Variants in CHD9 observed in about 807,000 individuals in gnomAD.
CHD9 encodes ATP-dependent chromatin remodeler CHD9.
CHD9 carries 77 observed loss-of-function variants against 316.1 expected under a neutral mutation model. The ratio of observed to expected loss-of-function variants is 0.24; its 90% CI spans 0.20 to 0.29. The LOEUF is 0.29. Among genes scored for constraint, CHD9 ranks in the 10% least tolerant of loss-of-function variants. CHD9 has a pLI of 1.00. For synonymous variants in CHD9, 1,129 were observed against 1,158.3 expected (o/e 0.97, Z 0.51); for missense variants, 2,763 against 3,438.1 (o/e 0.80, Z 4.91).
intron 37 of CHD9, 137 bp from the exon 38 acceptor site, chr16:53,321,389 A>G (rs1443961682): frequency 1.4e-6 from 2 of 1,390,086 alleles, no homozygotes; most frequent in African/African-American, 2.9e-5. Context: ...CCTTTTTAAT[A>G]TAATCATAAA....
intron 22 of CHD9, among the ~76,000 whole-genome samples, 200 bp downstream of exon 22, chr16:53,268,326 C>G (rs551103795): frequency 2.0e-5 from 3 of 152,258 alleles, no homozygotes; most frequent in South Asian, 4.1e-4. Flanking sequence ...AAATACGTAT[C>G]TGTTTGGAAT....
intron 1 of CHD9, among the ~76,000 whole-genome samples, chr16:53,133,185 G>A (rs997506273): frequency 1.3e-5 from 2 of 152,142 alleles, no homozygotes; most frequent in African/African-American, 4.8e-5. Flanking sequence ...TTTCAGGTAA[G>A]TATGTATAGT....
In CHD9 at chr16:53,198,439, G is replaced by C. The variant is rs182950032; in HGVS notation, c.1453-11043G>C. 3.1e-3 allele frequency among the ~76,000 whole-genome samples: 462 copies of C among 149,652 alleles called. 6 individuals are homozygous for C. Among genetic ancestry groups the C allele is most frequent in the African/African-American group, 0.011 (447 of 40,642 alleles). ...CCTCCCGGGTTCAAGCGATTCCCCT[G>C]CCTCAGCCTCCCAAGTAGCTGGGAT... On this transcript the variant is annotated intron_variant, in intron 2 of 38. Transcript: ENST00000447540.
intron 3 of CHD9, among the ~76,000 whole-genome samples, chr16:53,222,035 A>C (rs1395241681): frequency 1.3e-5 from 2 of 150,438 alleles, no homozygotes; most frequent in African/African-American, 4.9e-5. Context: ...TTTTTTTTTT[A>C]CCTGCTAAAT....
At chr16:53,194,008 C>T (rs2044689590) in intron 2 of CHD9, among the ~76,000 whole-genome samples, 1 of 152,100 alleles carries the variant, frequency 6.6e-6, no homozygotes, top group South Asian at 2.1e-4. Context: ...TGGACATTTG[C>T]TAGGCTACCT....
intron 1 of CHD9, among the ~76,000 whole-genome samples, chr16:53,122,873 AT>A (rs35194227): frequency 0.15 from 20,987 of 138,976 alleles, 1,630 homozygotes; most frequent in East Asian, 0.42. Context: ...CGCCCGGCTA[AT>A]TTTTTTTTTT....
intron 3 of CHD9, among the ~76,000 whole-genome samples, chr16:53,211,240 G>A (rs1467459660): frequency 6.6e-6 from 1 of 151,972 alleles, no homozygotes; most frequent in Non-Finnish European, 1.5e-5. Flanking sequence ...AACAGCTAAA[G>A]GCAAAAGATA....
chr16:53,252,938 A>G (rs983272552), intron 17 of CHD9, among the ~76,000 whole-genome samples: 3 of 152,204 alleles, frequency 2.0e-5, no homozygotes, highest in Non-Finnish European at 2.9e-5. Context: ...GAACACGTCT[A>G]CACTTCTGGT....
intron 1 of CHD9, among the ~76,000 whole-genome samples, chr16:53,130,606 C>T (rs982345385): frequency 3.3e-5 from 5 of 151,182 alleles, no homozygotes; most frequent in Non-Finnish European, 5.9e-5. Flanking sequence ...GGCGCCCGGC[C>T]CCAAGCCTTC....
intron 1 of CHD9, among the ~76,000 whole-genome samples, chr16:53,070,489 T>TTTCCTTCCTTCCTTCCTTCC (rs61654246): frequency 1.4e-5 from 2 of 144,890 alleles, no homozygotes; most frequent in African/African-American, 5.3e-5. Flanking sequence ...TCTTTCTTTC[T>TTTCCTTCCTTCCTTCCTTCC]TTCCTTCCTT....
chr16:53,272,578 G>T (rs980939693), intron 22 of CHD9, among the ~76,000 whole-genome samples: 2 of 152,164 alleles, frequency 1.3e-5, no homozygotes, highest in Admixed American at 1.3e-4. Context: ...AGGTGGTATA[G>T]TTATGTAATA....
chr16:53,090,303 A>G (rs1371857242), intron 1 of CHD9, among the ~76,000 whole-genome samples: 3 of 152,216 alleles, frequency 2.0e-5, no homozygotes, highest in African/African-American at 7.2e-5. Flanking sequence ...GCCTGGGAGA[A>G]GGATGGGGCT....
intron 24 of CHD9, among the ~76,000 whole-genome samples, chr16:53,281,674 T>C (rs772241434): frequency 2.3e-4 from 35 of 152,184 alleles, no homozygotes; most frequent in Non-Finnish European, 3.4e-4. Context: ...CTTTCTTTAC[T>C]GTGTCCCTCA....
chr16:53,145,149 C>A (rs1001369127), intron 1 of CHD9, among the ~76,000 whole-genome samples: 5 of 151,564 alleles, frequency 3.3e-5, no homozygotes, highest in African/African-American at 9.7e-5. Context: ...CTCTTGTAAT[C>A]CCAGCACTTT....
At chr16:53,124,467 A>ATTTTTT (rs753476091) in intron 1 of CHD9, among the ~76,000 whole-genome samples, 2 of 96,924 alleles carry the variant, frequency 2.1e-5, no homozygotes, top group African/African-American at 3.8e-5. Flanking sequence ...GTGAGACTTA[A>ATTTTTT]TTTTTTTTTT....
intron 1 of CHD9, among the ~76,000 whole-genome samples, chr16:53,147,282 A>G (rs971383966): frequency 2.0e-5 from 3 of 152,202 alleles, no homozygotes; most frequent in Non-Finnish European, 4.4e-5. Context: ...GGAACAGTAT[A>G]TTGAGCAGAG....
intron 2 of CHD9, among the ~76,000 whole-genome samples, chr16:53,197,497 T>C (rs912270323): frequency 1.3e-5 from 2 of 152,192 alleles, no homozygotes; most frequent in African/African-American, 4.8e-5. Context: ...AAGTATTTTA[T>C]ATCAGGACTC....
At chr16:53,275,710 A>C (rs2153019700) in intron 24 of CHD9, among the ~76,000 whole-genome samples, 1 of 152,200 alleles carries the variant, frequency 6.6e-6, no homozygotes, top group Admixed American at 6.5e-5. Flanking sequence ...GAGAAATGTA[A>C]GCAAGCCATA....
At chr16:53,251,044 A>G (rs73599675) in intron 17 of CHD9, among the ~76,000 whole-genome samples, 4,953 of 152,344 alleles carry the variant, frequency 0.033, 100 homozygotes, top group Middle Eastern at 0.075. Flanking sequence ...ACTTTAAAAT[A>G]TCAAAAGATT....
Sources: gnomAD v4.1 joint callset for allele counts (sites outside exome capture counted in the v4.1 genomes callset) on GRCh38, gnomAD v4.1.1 for gene constraint, MANE v1.5 for transcripts, NCBI Gene and HGNC (gene_info 2026-07-23, HGNC 2026-07-21) for gene names.